IQGAP1: variants seen among roughly 807,000 people sequenced by gnomAD.
IQGAP1 encodes the protein ras GTPase-activating-like protein IQGAP1.
Under a neutral mutation model 215.6 loss-of-function variants are expected in IQGAP1, and 66 were observed. The ratio of observed to expected loss-of-function variants is 0.31; its 90% CI spans 0.25 to 0.38. The LOEUF is 0.38. IQGAP1 is among the 10% of genes least tolerant of loss of function. IQGAP1 has a pLI of 1.00. For missense variants in IQGAP1, 1,712 were observed against 1,997.1 expected (o/e 0.86, Z 2.72); for synonymous variants, 772 against 728.7 (o/e 1.06, Z -0.96).
At chr15:90,484,071 A>G (rs1966093502) in intron 29 of IQGAP1, 149 bp from the exon 30 acceptor site, 1 of 702,324 alleles carries the variant, frequency 1.4e-6, no homozygotes. Context: ...CAAGGTTGTC[A>G]AGCACAGCAA....
intron 36 of IQGAP1, among the ~76,000 whole-genome samples, chr15:90,496,133 T>TA (rs1966269620): frequency 6.6e-6 from 1 of 151,788 alleles, no homozygotes; most frequent in Non-Finnish European, 1.5e-5. Context: ...TCCAGTTGAA[T>TA]AAGATGCATG....
chr15:90,426,069 C>T (rs750275072), intron 2 of IQGAP1, 41 bp from the exon 3 acceptor site: 13 of 1,566,030 alleles, frequency 8.3e-6, no homozygotes, highest in Non-Finnish European at 1.1e-5. Context: ...AAAGTTCTGA[C>T]CTTCCCTTTC....
intron 33 of IQGAP1, among the ~76,000 whole-genome samples, chr15:90,488,721 A>G (rs939487723): frequency 2.0e-5 from 3 of 152,304 alleles, no homozygotes; most frequent in South Asian, 2.1e-4. Context: ...AGCCAGATGT[A>G]TAAAGGTGGA....
chr15:90,480,048 T>C (rs1374139935), intron 26 of IQGAP1, among the ~76,000 whole-genome samples: 2 of 152,008 alleles, frequency 1.3e-5, no homozygotes, highest in East Asian at 3.9e-4. Flanking sequence ...GGATTGGTTT[T>C]CTTGTGGGTA....
At chr15:90,427,219 G>A (rs988755547) in intron 3 of IQGAP1, among the ~76,000 whole-genome samples, 5 of 152,050 alleles carry the variant, frequency 3.3e-5, no homozygotes, top group Admixed American at 2.0e-4. Context: ...TTAGTATTGC[G>A]CCACTGCACT....
intron 19 of IQGAP1, 72 bp downstream of exon 19, chr15:90,473,082 C>A: frequency 7.1e-7 from 1 of 1,399,340 alleles, no homozygotes; most frequent in Non-Finnish European, 1.0e-6. Flanking sequence ...CAGCTGTCAC[C>A]ATTGACTGTC....
chr15:90,390,733 C>T (rs1353595319), intron 1 of IQGAP1, 41 bp from the exon 2 acceptor site: 1 of 1,331,234 alleles, frequency 7.5e-7, no homozygotes, highest in Non-Finnish European at 1.1e-6. Flanking sequence ...CTCAGGAAGG[C>T]TACAGATCCT....
chr15:90,437,632 A>G (rs187497299), intron 5 of IQGAP1, among the ~76,000 whole-genome samples: 1 of 152,144 alleles, frequency 6.6e-6, no homozygotes, highest in African/African-American at 2.4e-5. Context: ...ACAACCTCCC[A>G]GGCACAAGCT....
At chr15:90,422,679 T>TAA (rs1965163858) in intron 2 of IQGAP1, among the ~76,000 whole-genome samples, 1 of 127,970 alleles carries the variant, frequency 7.8e-6, no homozygotes, top group Non-Finnish European at 1.6e-5. Flanking sequence ...TATATATATA[T>TAA]AATTTTTGAG....
chr15:90,433,862 T>G (rs1024656410), intron 5 of IQGAP1, 67 bp downstream of exon 5: 7 of 932,994 alleles, frequency 7.5e-6, no homozygotes, highest in Non-Finnish European at 9.8e-6. Context: ...TGTAGTTTTT[T>G]ATCCTTGAGG....
intron 2 of IQGAP1, among the ~76,000 whole-genome samples, chr15:90,425,196 G>A (rs1213772045): frequency 6.6e-6 from 1 of 152,074 alleles, no homozygotes; most frequent in Non-Finnish European, 1.5e-5. Flanking sequence ...TGGAGTCCCA[G>A]CTACTCAGGA....
intron 2 of IQGAP1, among the ~76,000 whole-genome samples, chr15:90,421,145 A>T (rs1017443804): frequency 4.6e-5 from 7 of 151,428 alleles, no homozygotes; most frequent in Non-Finnish European, 8.8e-5. Flanking sequence ...TCAAAGAAAA[A>T]TTTTTTTTAA....
chr15:90,423,103 G>A (rs1032749169), intron 2 of IQGAP1, among the ~76,000 whole-genome samples: 1 of 151,952 alleles, frequency 6.6e-6, no homozygotes, highest in Admixed American at 6.6e-5. Flanking sequence ...AGAAGAAGGG[G>A]AAATCTCATG....
At chr15:90,434,978 G>T (rs78859187) in intron 5 of IQGAP1, among the ~76,000 whole-genome samples, 156 of 152,256 alleles carry the variant, frequency 1.0e-3, no homozygotes, top group Non-Finnish European at 1.8e-3. Flanking sequence ...TTCTTATATG[G>T]CATCCTCTAT....
Position 90,388,304 on chromosome 15 carries a change from T to G in IQGAP1, c.-38T>G. 1.3e-6 allele frequency: 2 copies of G among 1,597,962 alleles called. No homozygotes were observed. Among genetic ancestry groups the G allele is most frequent in the Non-Finnish European group, 8.5e-7 (1 of 1,173,526 alleles). ...CTACCGCCGTCCGCGCCTCCAAGGTTTCACGGCTTCCTCAGCAGAGACTCG... is the reference window on the plus strand; with the variant it reads ...CTACCGCCGTCCGCGCCTCCAAGGTGTCACGGCTTCCTCAGCAGAGACTCG... On this transcript the variant is annotated 5_prime_UTR_variant, in exon 1 of 38. Coordinates refer to ENST00000268182, the MANE Select transcript of IQGAP1 (RefSeq NM_003870.4).
chr15:90,458,729 C>A (rs1426324434), intron 15 of IQGAP1, among the ~76,000 whole-genome samples: 1 of 152,200 alleles, frequency 6.6e-6, no homozygotes, highest in Non-Finnish European at 1.5e-5. Flanking sequence ...CCAACTACTT[C>A]TTATCCGAGT....
At chr15:90,420,649 A>G (rs764246218) in intron 2 of IQGAP1, among the ~76,000 whole-genome samples, 3 of 152,210 alleles carry the variant, frequency 2.0e-5, no homozygotes, top group Non-Finnish European at 2.9e-5. Context: ...TTGAGATTCT[A>G]TGATTATTGC....
At position 90,501,349 on chromosome 15, in the gene IQGAP1, T is replaced by C. The variant is rs1382831510; in HGVS notation, c.*1241T>C. The C allele has an allele frequency of 1.3e-5, 2 of 151,898 alleles. No homozygotes were observed. The highest frequency in any genetic ancestry group is 2.9e-5 in the Non-Finnish European group (2 of 68,006). 9.4% of individuals were successfully genotyped at this position (151,898 alleles called of 1,614,324 possible). A position where few individuals can be genotyped will look rare whatever the true frequency, so the allele number is the denominator to read the frequency against. On this transcript the variant is annotated 3_prime_UTR_variant, in exon 38 of 38. Transcript: ENST00000268182. ...AAAAAAATCAAGTCTAAACATTGCA[T>C]TTAGAAAGCTTTTGTTCTTGGATAA...
rs975117394 is a variant in IQGAP1, at chr15:90,409,696, T to G, written c.156-16414T>G. Among the ~76,000 whole-genome samples the G allele has an allele frequency of 2.0e-5, 3 of 152,202 alleles. 1 individual carries two copies. The East Asian group carries it at 5.8e-4, about 29-fold the overall frequency. On this transcript the variant is annotated intron_variant, in intron 2 of 37. Transcript: ENST00000268182. ...TGCCCCTATATTCACTTCCTTAACT[T>G]AACTCATTTGGATGTAATTCCTGTG...
Sources: allele counts gnomAD v4.1 joint callset (sites outside exome capture counted in the v4.1 genomes callset), GRCh38; gene constraint gnomAD v4.1.1; transcripts MANE v1.5; gene names NCBI Gene and HGNC (gene_info 2026-07-23, HGNC 2026-07-21).